ABCA6: variants seen among roughly 807,000 people sequenced by gnomAD.
The protein encoded by ABCA6 is ATP-binding cassette sub-family A member 6.
Under a neutral mutation model 191.2 loss-of-function variants are expected in ABCA6, and 164 were observed. The ratio of observed to expected loss-of-function variants is 0.86; its 90% confidence interval spans 0.76 to 0.98. The LOEUF is 0.98. ABCA6 is among the 50% of genes least tolerant of loss of function. The pLI is 0.00. For missense variants in ABCA6, 1,958 were observed against 1,894.1 expected (o/e 1.03, Z -0.63); for synonymous variants, 636 against 647.7 (o/e 0.98, Z 0.27).
chr17:69,084,560 C>T (rs2072728873), intron 32 of ABCA6, 53 bp from the exon 33 acceptor site: 1 of 1,531,878 alleles, frequency 6.5e-7, no homozygotes, highest in African/African-American at 1.4e-5. Flanking sequence ...TTTGGAAAAT[C>T]CAAGCACACA....
intron 25 of ABCA6, among the ~76,000 whole-genome samples, chr17:69,095,865 T>A (rs570706816): frequency 1.3e-5 from 2 of 152,324 alleles, no homozygotes; most frequent in South Asian, 4.1e-4. Context: ...CTTTAGTATC[T>A]GAAACTATTA....
intron 22 of ABCA6, 54 bp downstream of exon 22, chr17:69,100,743 A>G (rs1449286027): frequency 1.0e-4 from 154 of 1,494,538 alleles, no homozygotes; most frequent in Non-Finnish European, 1.3e-5. Context: ...GAGAGAAAAC[A>G]TAGGCTATTT....
intron 8 of ABCA6, among the ~76,000 whole-genome samples, chr17:69,125,408 C>T (rs1343919328): frequency 6.6e-6 from 1 of 151,940 alleles, no homozygotes; most frequent in Admixed American, 6.6e-5. Flanking sequence ...AGAGAACTTA[C>T]CTCCTTTTCT....
chr17:69,137,626 C>T, intron 2 of ABCA6, 126 bp from the exon 3 acceptor site: 4 of 820,556 alleles, frequency 4.9e-6, no homozygotes, highest in Non-Finnish European at 7.4e-6. Flanking sequence ...CTCTGCTCTC[C>T]AAGCCTCAGA....
At chr17:69,086,181 A>C (rs2072783307) in intron 30 of ABCA6, among the ~76,000 whole-genome samples, 1 of 152,162 alleles carries the variant, frequency 6.6e-6, no homozygotes, top group Non-Finnish European at 1.5e-5. Context: ...GCCAATCTGT[A>C]ATCTTTTCAA....
rs1433133372 is a variant in ABCA6 at position 69,141,796 on chromosome 17, CTGTT to C, written c.-101_-98del. ...TAGAAACACTGTCAAAACCAGTTCT[CTGTT>C]TGTCTAGGTAACGATTACAACTTCT... On this transcript the variant is annotated 5_prime_UTR_variant, in exon 1 of 39. Transcript: ENST00000284425. The C allele has an allele frequency of 1.3e-5, 2 of 152,058 alleles. No homozygotes were observed. The highest frequency in any genetic ancestry group is 4.8e-5 in the African/African-American group (2 of 41,438). 9.4% of individuals were successfully genotyped at this position (152,058 alleles called of 1,614,324 possible).
intron 21 of ABCA6, 118 bp downstream of exon 21, chr17:69,102,717 A>G (rs1393282540): frequency 1.1e-6 from 1 of 933,176 alleles, no homozygotes; most frequent in African/African-American, 1.7e-5. Flanking sequence ...ATTAAATAAC[A>G]ACCCAGAATG....
Position 69,106,029 on chromosome 17 carries a change from G to T in ABCA6, c.2572C>A (p.Leu858Ile). The T allele has an allele frequency of 6.2e-7, 1 of 1,605,032 alleles. No individual in the cohort carries two copies. Among genetic ancestry groups the T allele is most frequent in the Non-Finnish European group, 8.5e-7 (1 of 1,176,020 alleles). ...LKRQTKVLLTLLLVFGIAIFP... is the reference protein window; with the variant it reads ...LKRQTKVLLTILLVFGIAIFP... ...AAACCACAGTACTCTCCTACTCACA[G>T]GGTCAATAACACTTTAGTTTGACGT... The change falls in exon 19 of 39, where the codon CTA (leucine) becomes ATA (isoleucine). Residue 858 changes from leucine (L) to isoleucine (I), a missense_variant and splice_region_variant. Leu to Ile is a conservative substitution (Grantham distance 5). Coordinates refer to ENST00000284425, the MANE Select transcript of ABCA6 (RefSeq NM_080284.3).
intron 21 of ABCA6, among the ~76,000 whole-genome samples, chr17:69,101,457 G>A (rs535382423): frequency 3.3e-5 from 5 of 151,980 alleles, no homozygotes; most frequent in Non-Finnish European, 5.9e-5. Flanking sequence ...TTAGCCAGGT[G>A]TGGTGGCACA....
intron 8 of ABCA6, among the ~76,000 whole-genome samples, chr17:69,127,308 A>G (rs555955710): frequency 6.6e-6 from 1 of 152,260 alleles, no homozygotes; most frequent in South Asian, 2.1e-4. Flanking sequence ...GGACCTTATC[A>G]AAATTATGTA....
rs2072801543 is a variant in ABCA6 at position 69,086,695 on chromosome 17, G to A, written c.3860C>T (p.Ala1287Val). The change falls in exon 30 of 39, where the codon GCA becomes GTA. Residue 1287 changes from alanine (A) to valine (V), a missense_variant. Coordinates refer to ENST00000284425, the MANE Select transcript of ABCA6 (RefSeq NM_080284.3). The part of the protein sequence containing the change: ...IIASCLHKEY[A>V]GQKKSCFSKR... ...TGAAAAGCAACTTTTCTTCTGGCCT[G>A]CATATTCTTTGTGTAGACAGCTGGC... 3 of 1,612,098 alleles carry A rather than the reference G, an allele frequency of 1.9e-6. No homozygotes were observed. The highest frequency in any genetic ancestry group is 2.7e-5 in the African/African-American group (2 of 74,800).
chr17:69,107,833 T>G (rs1414764227), intron 17 of ABCA6, 21 bp from the exon 18 acceptor site: 1 of 1,438,866 alleles, frequency 6.9e-7, no homozygotes, highest in Middle Eastern at 1.8e-4. Context: ...AAAATATGAA[T>G]AGATACTTTG....
intron 18 of ABCA6, among the ~76,000 whole-genome samples, chr17:69,107,418 T>G (rs1366987623): frequency 1.3e-5 from 2 of 152,122 alleles, no homozygotes; most frequent in African/African-American, 4.8e-5. Flanking sequence ...TTCCCCTAAT[T>G]AAGAGCCTTT....
rs184440516 is a variant in ABCA6 at position 69,140,520 on chromosome 17, C to T, written c.96+88G>A. On this transcript the variant is annotated intron_variant, in intron 2 of 38. Transcript: ENST00000284425. ...TGGTAAAATCAATAAATCCCATCTA[C>T]TAATTAAAAGAGAACATAAGAGAAT... The T allele has an allele frequency of 2.6e-4, 168 of 649,572 alleles. 1 individual carries two copies. The East Asian group carries it at 5.1e-3, about 20-fold the overall frequency. 40.2% of individuals were successfully genotyped at this position (649,572 alleles called of 1,614,324 possible).
At chr17:69,119,624 T>C (rs8080508) in intron 10 of ABCA6, among the ~76,000 whole-genome samples, 27,662 of 151,962 alleles carry the variant, frequency 0.18, 4,748 homozygotes, top group African/African-American at 0.45. Flanking sequence ...TGACATCTTT[T>C]GGCATCCTCG....
intron 25 of ABCA6, among the ~76,000 whole-genome samples, chr17:69,095,813 T>A (rs1232047587): frequency 6.6e-6 from 1 of 152,254 alleles, no homozygotes; most frequent in African/African-American, 2.4e-5. Flanking sequence ...ACAAGCTCTT[T>A]ACTTTTATAC....
rs1339956237 is a variant in ABCA6 at position 69,106,085 on chromosome 17, G to A, written c.2516C>T (p.Ala839Val). The change falls in exon 19 of 39, where the codon GCC becomes GTC. Residue 839 changes from alanine (A) to valine (V), a missense_variant. Ala to Val is a moderately conservative substitution (Grantham distance 64). Transcript: ENST00000284425. ...DMGLWRMQVF[A>V]MARLRFLKLK... The stretch of plus-strand genomic sequence containing the variant: ...CTTTAAGAAACGGAGCCGTGCCATG[G>A]CAAAGACTTGCATTCTCCAGAGGCC... 11 of 1,613,586 alleles carry A rather than the reference G, an allele frequency of 6.8e-6. No homozygotes were observed. The highest frequency in any genetic ancestry group is 8.5e-6 in the Non-Finnish European group (10 of 1,179,750).
chr17:69,093,057 T>C (rs1002656033), intron 25 of ABCA6, among the ~76,000 whole-genome samples: 1 of 152,196 alleles, frequency 6.6e-6, no homozygotes, highest in African/African-American at 2.4e-5. Flanking sequence ...TTGCCAACCA[T>C]GCTACTGTCT....
intron 25 of ABCA6, among the ~76,000 whole-genome samples, chr17:69,093,808 T>C (rs2072986759): frequency 6.6e-6 from 1 of 152,106 alleles, no homozygotes. Flanking sequence ...CTTTCAGTGA[T>C]AGAAAAATGA....
Sources: allele counts gnomAD v4.1 joint callset (sites outside exome capture counted in the v4.1 genomes callset), GRCh38; gene constraint gnomAD v4.1.1; transcripts MANE v1.5; gene names NCBI Gene and HGNC (gene_info 2026-07-23, HGNC 2026-07-21).